Variants in NEGR1 observed in about 807,000 individuals in gnomAD.
NEGR1 encodes IgLON family member 4.
In NEGR1, 10 loss-of-function variants were observed where a neutral mutation model predicts 40.9. The observed-to-expected ratio is 0.24, with a 90% CI of 0.15 to 0.42. The LOEUF (loss-of-function observed/expected upper bound fraction) is 0.42, where lower values mean the gene tolerates loss of function less well. NEGR1 is among the 10% of genes least tolerant of loss of function. The pLI, the probability that NEGR1 is intolerant of heterozygous loss-of-function variation, is 1.00. For missense variants in NEGR1, 352 were observed against 438.9 expected (o/e 0.80, Z 1.77); for synonymous variants, 185 against 166.8 (o/e 1.11, Z -0.84).
intron 1 of NEGR1, among the ~76,000 whole-genome samples, chr1:72,034,858 G>C (rs1646888967): frequency 1.3e-5 from 2 of 152,004 alleles, no homozygotes; most frequent in East Asian, 3.9e-4. Flanking sequence ...CCATTTTTTC[G>C]CTAACAGGAA....
intron 1 of NEGR1, among the ~76,000 whole-genome samples, chr1:72,055,154 A>G (rs896039819): frequency 6.6e-6 from 1 of 151,184 alleles, no homozygotes; most frequent in African/African-American, 2.4e-5. Flanking sequence ...GATGCCAAAT[A>G]CTATATATTT....
intron 4 of NEGR1, among the ~76,000 whole-genome samples, chr1:71,628,181 C>A (rs976982331): frequency 6.6e-6 from 1 of 151,942 alleles, no homozygotes; most frequent in African/African-American, 2.4e-5. Flanking sequence ...ACTCAGTGCT[C>A]GAGGTCAAGG....
intron 1 of NEGR1, among the ~76,000 whole-genome samples, chr1:72,142,987 C>A (rs2100338753): frequency 6.6e-6 from 1 of 151,922 alleles, no homozygotes; most frequent in Non-Finnish European, 1.5e-5. Context: ...GGAGAAATTT[C>A]TATAAAAGTT....
chr1:72,264,052 C>A (rs1422150386), intron 1 of NEGR1, among the ~76,000 whole-genome samples: 1 of 151,008 alleles, frequency 6.6e-6, no homozygotes, highest in African/African-American at 2.4e-5. Flanking sequence ...CAGGCATATT[C>A]AATATGGAGG....
chr1:71,427,753 A>G (rs1646437613), intron 6 of NEGR1, among the ~76,000 whole-genome samples: 1 of 152,226 alleles, frequency 6.6e-6, no homozygotes, highest in Non-Finnish European at 1.5e-5. Flanking sequence ...TTCTTTATTA[A>G]GGAATTTTGC....
chr1:71,670,665 T>C (rs935408690), intron 4 of NEGR1, among the ~76,000 whole-genome samples: 6 of 152,016 alleles, frequency 3.9e-5, no homozygotes, highest in Non-Finnish European at 7.4e-5. Flanking sequence ...GTCATGAACA[T>C]GGTTGTGTGC....
chr1:71,887,938 C>T (rs1660772005), intron 2 of NEGR1, among the ~76,000 whole-genome samples: 1 of 151,446 alleles, frequency 6.6e-6, no homozygotes, highest in Non-Finnish European at 1.5e-5. Context: ...TTCCTACAAT[C>T]CTGCTGCAAT....
At chr1:71,926,079 C>T (rs1645769686) in intron 2 of NEGR1, among the ~76,000 whole-genome samples, 2 of 152,110 alleles carry the variant, frequency 1.3e-5, no homozygotes, top group Admixed American at 1.3e-4. Context: ...TGAGCTCTGA[C>T]ATACTTATCA....
intron 1 of NEGR1, among the ~76,000 whole-genome samples, chr1:72,073,113 C>T (rs910958929): frequency 6.6e-6 from 1 of 152,080 alleles, no homozygotes; most frequent in East Asian, 1.9e-4. Flanking sequence ...AGCAGTGATA[C>T]AGTCCAAAGA....
chr1:71,599,876 G>A (rs777610078), intron 5 of NEGR1, among the ~76,000 whole-genome samples: 1 of 152,160 alleles, frequency 6.6e-6, no homozygotes, highest in Non-Finnish European at 1.5e-5. Context: ...CAGTACAGAT[G>A]TCAAGCCTCC....
At chr1:71,517,562 T>C (rs1333656910) in intron 6 of NEGR1, among the ~76,000 whole-genome samples, 1 of 145,110 alleles carries the variant, frequency 6.9e-6, no homozygotes, top group African/African-American at 2.7e-5. Context: ...AATTAGGTGT[T>C]GATGGGATGT....
chr1:71,724,034 T>A (rs1372372113), intron 3 of NEGR1, among the ~76,000 whole-genome samples: 2 of 152,054 alleles, frequency 1.3e-5, no homozygotes. Context: ...ATTTGGAAAA[T>A]TTTCTATCTA....
At chr1:71,704,142 A>ATC (rs151137477) in intron 3 of NEGR1, among the ~76,000 whole-genome samples, 2,841 of 139,266 alleles carry the variant, frequency 0.02, 76 homozygotes, top group African/African-American at 0.069. Flanking sequence ...AGAAAATAGA[A>ATC]TCTCTCTCTC....
intron 6 of NEGR1, among the ~76,000 whole-genome samples, chr1:71,535,501 T>A (rs1323989416): frequency 6.6e-6 from 1 of 151,752 alleles, no homozygotes; most frequent in Non-Finnish European, 1.5e-5. Flanking sequence ...TTATGTTGCG[T>A]GCAGGATCCA....
intron 1 of NEGR1, among the ~76,000 whole-genome samples, chr1:72,222,467 G>A (rs1654045057): frequency 1.3e-5 from 2 of 152,128 alleles, no homozygotes; most frequent in Non-Finnish European, 2.9e-5. Flanking sequence ...AAAACAATCA[G>A]AGTAACATGA....
chr1:71,689,849 T>C (rs929117537), intron 4 of NEGR1, among the ~76,000 whole-genome samples: 43 of 151,432 alleles, frequency 2.8e-4, no homozygotes, highest in African/African-American at 1.0e-3. Context: ...TGTAAATTAA[T>C]TAACATTAAA....
At chr1:71,621,809 A>G (rs965077606) in intron 4 of NEGR1, among the ~76,000 whole-genome samples, 1 of 151,846 alleles carries the variant, frequency 6.6e-6, no homozygotes, top group African/African-American at 2.4e-5. Context: ...CAAGGGGTTG[A>G]ATTTACTAAG....
At chr1:71,899,349 A>G (rs962701366) in intron 2 of NEGR1, among the ~76,000 whole-genome samples, 7 of 152,022 alleles carry the variant, frequency 4.6e-5, no homozygotes, top group African/African-American at 1.2e-4. Flanking sequence ...ATGATCCAAA[A>G]GACAGTGAGT....
intron 2 of NEGR1, among the ~76,000 whole-genome samples, chr1:71,791,427 T>A (rs1352531742): frequency 6.6e-6 from 1 of 152,086 alleles, no homozygotes; most frequent in Non-Finnish European, 1.5e-5. Flanking sequence ...GATATCAATC[T>A]GAACGTGGCC....
Sources: gnomAD v4.1 joint callset for allele counts (sites outside exome capture counted in the v4.1 genomes callset) on GRCh38, gnomAD v4.1.1 for gene constraint, MANE v1.5 for transcripts, NCBI Gene and HGNC (gene_info 2026-07-23, HGNC 2026-07-21) for gene names.